Variants in MACROD2 observed in about 807,000 individuals in gnomAD.
MACROD2 encodes the protein ADP-ribose glycohydrolase MACROD2.
Under a neutral mutation model 70.4 loss-of-function variants are expected in MACROD2, and 36 were observed. The observed-to-expected ratio is 0.51, with a 90% CI of 0.39 to 0.68. The LOEUF (loss-of-function observed/expected upper bound fraction) is 0.68, where lower values mean the gene tolerates loss of function less well. MACROD2 is among the 30% of genes least tolerant of loss of function. The pLI is 0.00. For missense variants in MACROD2, 496 were observed against 538.4 expected, an observed-to-expected ratio of 0.92 and a Z score of 0.78; for synonymous variants, 172 against 178.8, an observed-to-expected ratio of 0.96 and a Z score of 0.30.
chr20:14,825,450 G>T (rs890182935), intron 5 of MACROD2, among the ~76,000 whole-genome samples: 1 of 152,004 alleles, frequency 6.6e-6, no homozygotes, highest in Non-Finnish European at 1.5e-5. Flanking sequence ...ATTAAAATAT[G>T]CTAATTTCTA....
chr20:16,043,123 G>T lies in MACROD2; in HGVS notation c.1232-1448G>T, dbSNP rs11906901. Among the ~76,000 whole-genome samples, 1,364 of 152,152 alleles carry T rather than the reference G, an allele frequency of 9.0e-3. 21 individuals are homozygous for T. Among genetic ancestry groups the T allele is most frequent in the African/African-American group, 0.031 (1,304 of 41,510 alleles). ...GCAGGCTCAAAGGCGGGCAGGGGATGGGAAACCCCCCTTTATAGGTTAGAA... is the reference window on the plus strand; with the variant it reads ...GCAGGCTCAAAGGCGGGCAGGGGATTGGAAACCCCCCTTTATAGGTTAGAA... On this transcript the variant is annotated intron_variant, in intron 16 of 17. Transcript: ENST00000684519.
At chr20:15,384,032 CT>C (rs2045678440) in intron 6 of MACROD2, among the ~76,000 whole-genome samples, 1 of 151,990 alleles carries the variant, frequency 6.6e-6, no homozygotes, top group South Asian at 2.1e-4. Flanking sequence ...TGTATGAGAA[CT>C]TTAATAACAC....
At chr20:14,014,022 C>G (rs1468316138) in intron 2 of MACROD2, among the ~76,000 whole-genome samples, 1 of 152,130 alleles carries the variant, frequency 6.6e-6, no homozygotes, top group Non-Finnish European at 1.5e-5. Context: ...TGTGTTGACA[C>G]AAGATGGAAA....
At chr20:14,695,325 T>G (rs1053987618) in intron 5 of MACROD2, among the ~76,000 whole-genome samples, 2 of 152,182 alleles carry the variant, frequency 1.3e-5, no homozygotes, top group East Asian at 3.9e-4. Flanking sequence ...CCTCCCTGTT[T>G]CTCTCTGTCT....
intron 8 of MACROD2, among the ~76,000 whole-genome samples, chr20:15,758,429 G>T (rs911632036): frequency 1.3e-5 from 2 of 150,706 alleles, no homozygotes; most frequent in Non-Finnish European, 3.0e-5. Flanking sequence ...TAGTAGACAC[G>T]GGGTTTCACC....
At chr20:14,325,563 G>A (rs2082719415) in intron 3 of MACROD2, 6 of 1,609,084 alleles carry the variant, frequency 3.7e-6, no homozygotes, top group South Asian at 1.1e-5. Flanking sequence ...AGCATCATGA[G>A]TGTGAGTGAT....
chr20:15,220,934 A>T (rs181032614), intron 5 of MACROD2, among the ~76,000 whole-genome samples: 1 of 152,180 alleles, frequency 6.6e-6, no homozygotes, highest in South Asian at 2.1e-4. Context: ...GGATGATTGC[A>T]GAAGAGTCTT....
At chr20:15,322,848 C>G (rs2077887244) in intron 6 of MACROD2, among the ~76,000 whole-genome samples, 1 of 143,574 alleles carries the variant, frequency 7.0e-6, no homozygotes, top group South Asian at 2.3e-4. Flanking sequence ...GAAATGTGAC[C>G]TTGGAATCCA....
In MACROD2 at chr20:14,600,327, C is replaced by CATATATATATATATATATAT. The variant is rs769273379; in HGVS notation, c.302-84499_302-84498insTATATATATATATATATATA. ...GTAAAAAGTATGTAATATGCAGCTACATATATATATATATATACACACACA... is the reference window on the plus strand; with the variant it reads ...GTAAAAAGTATGTAATATGCAGCTACATATATATATATATATATATATATATATATATATATACACACACA... On this transcript the variant is annotated intron_variant, in intron 4 of 17. Coordinates refer to ENST00000684519, the MANE Select transcript of MACROD2 (RefSeq NM_001351661.2). Among the ~76,000 whole-genome samples the CATATATATATATATATATAT allele has an allele frequency of 4.7e-3, 603 of 128,490 alleles. 12 individuals are homozygous for CATATATATATATATATATAT. The highest frequency in any genetic ancestry group is 0.015 in the African/African-American group (480 of 31,018). 84.3% of individuals were successfully genotyped at this position (128,490 alleles called of 152,430 possible).
chr20:14,266,164 A>G (rs2082142793), intron 3 of MACROD2, among the ~76,000 whole-genome samples: 1 of 152,208 alleles, frequency 6.6e-6, no homozygotes, highest in Admixed American at 6.5e-5. Flanking sequence ...AGCTTTAAGA[A>G]GATAGAATAT....
In MACROD2 at chr20:15,227,823, G is replaced by GTTTTTTTTTTTTTTTTT. The variant is rs59129207; in HGVS notation, c.419-2107_419-2091dup. Among the ~76,000 whole-genome samples, 89 of 46,100 alleles carry GTTTTTTTTTTTTTTTTT rather than the reference G, an allele frequency of 1.9e-3. 21 individuals are homozygous for GTTTTTTTTTTTTTTTTT. The highest frequency in any genetic ancestry group is 2.7e-3 in the Non-Finnish European group (69 of 25,998). The allele number at this position is 46,100 out of a possible 152,430, so 30.2% of individuals were successfully genotyped here. On this transcript the variant is annotated intron_variant, in intron 5 of 17. Coordinates refer to ENST00000684519, the MANE Select transcript of MACROD2 (RefSeq NM_001351661.2). The stretch of plus-strand genomic sequence containing the variant: ...TAACTGGTGTGATAGAATTTCACCT[G>GTTTTTTTTTTTTTTTTT]TTTTTTTTTTTTTTTTTTTTTTTTT...
rs187630667 is a variant in MACROD2 at position 14,136,878 on chromosome 20, A to G, written c.271+51150A>G. ...TCTTTCAGGACCCAACTCAAATTCC[A>G]TCTGCCCCCAGAATTCATTCCAAAT... On this transcript the variant is annotated intron_variant, in intron 3 of 17. Transcript: ENST00000684519. Among the ~76,000 whole-genome samples the G allele has an allele frequency of 2.6e-5, 4 of 152,300 alleles. No homozygotes were observed. In the East Asian group the frequency reaches 7.7e-4, roughly 29 times the overall value.
intron 4 of MACROD2, among the ~76,000 whole-genome samples, chr20:14,624,381 C>T (rs1320064631): frequency 6.6e-6 from 1 of 152,078 alleles, no homozygotes; most frequent in Non-Finnish European, 1.5e-5. Context: ...ATGCTGTCAA[C>T]TTTGATTGGG....
intron 10 of MACROD2, among the ~76,000 whole-genome samples, chr20:15,903,253 A>G (rs2065092921): frequency 6.6e-6 from 1 of 152,132 alleles, no homozygotes; most frequent in African/African-American, 2.4e-5. Flanking sequence ...GAGGCAGGAG[A>G]ATCGCTGGAA....
intron 5 of MACROD2, among the ~76,000 whole-genome samples, chr20:14,788,224 G>A (rs1411184462): frequency 1.3e-5 from 2 of 151,914 alleles, no homozygotes; most frequent in Non-Finnish European, 2.9e-5. Context: ...GACACATTAG[G>A]GCGACTTGCT....
At chr20:14,729,970 CA>C (rs1376292014) in intron 5 of MACROD2, among the ~76,000 whole-genome samples, 6 of 151,606 alleles carry the variant, frequency 4.0e-5, no homozygotes, top group South Asian at 2.1e-4. Flanking sequence ...ATTATTAAAC[CA>C]TTTTTTTAGG....
chr20:15,157,321 T>C (rs2076313722), intron 5 of MACROD2, among the ~76,000 whole-genome samples: 3 of 149,516 alleles, frequency 2.0e-5, no homozygotes, highest in South Asian at 2.1e-4. Context: ...GGTCATGCTT[T>C]CATGACCTCA....
intron 12 of MACROD2, among the ~76,000 whole-genome samples, chr20:15,961,460 C>G (rs1396593893): frequency 2.0e-5 from 3 of 152,206 alleles, no homozygotes; most frequent in Admixed American, 6.5e-5. Context: ...CAGCAACACT[C>G]AGCCACACTT....
intron 7 of MACROD2, among the ~76,000 whole-genome samples, chr20:15,489,857 C>T (rs1385244853): frequency 6.6e-6 from 1 of 152,108 alleles, no homozygotes; most frequent in East Asian, 1.9e-4. Context: ...GGTCCTGTCC[C>T]TTGCTTGAGT....
Sources: gnomAD v4.1 joint callset for allele counts (sites outside exome capture counted in the v4.1 genomes callset) on GRCh38, gnomAD v4.1.1 for gene constraint, MANE v1.5 for transcripts, NCBI Gene and HGNC (gene_info 2026-07-23, HGNC 2026-07-21) for gene names.